The following UHRF1 variants were observed in gnomAD, a reference collection of about 807,000 sequenced individuals.
UHRF1 encodes E3 ubiquitin-protein ligase UHRF1.
In UHRF1, 9 loss-of-function variants were observed where a neutral mutation model predicts 96.5. The ratio of observed to expected loss-of-function variants is 0.09; its 90% CI spans 0.06 to 0.16. The LOEUF (loss-of-function observed/expected upper bound fraction) is 0.16. UHRF1 is among the 10% of genes least tolerant of loss of function. UHRF1 has a pLI of 1.00. For missense variants in UHRF1, 626 were observed against 1,131.1 expected, an observed-to-expected ratio of 0.55 and a Z score of 6.40; for synonymous variants, 455 against 469.9, an observed-to-expected ratio of 0.97 and a Z score of 0.41.
At position 4,922,519 on chromosome 19, in the gene UHRF1, C is replaced by T. The variant is rs112741917; in HGVS notation, c.154-6703C>T. On this transcript the variant is annotated intron_variant, in intron 2 of 16. Coordinates refer to ENST00000650932, the MANE Select transcript of UHRF1 (RefSeq NM_001048201.3). ...TGACCTCAGGTGATCCATCCGCCCT[C>T]GGCCTCCCCAAGTGCTGGGATTACA... 7.1e-3 allele frequency among the ~76,000 whole-genome samples: 1,075 copies of T among 152,282 alleles called. 11 individuals carry two copies. The highest frequency in any genetic ancestry group is 0.025 in the African/African-American group (1,028 of 41,564).
chr19:4,929,966 AATTTT>A (rs1276895865), intron 3 of UHRF1, among the ~76,000 whole-genome samples: 4 of 151,768 alleles, frequency 2.6e-5, no homozygotes, highest in Admixed American at 6.6e-5. Context: ...ACGCCCAGCT[AATTTT>A]ATTTTATTTT....
intron 3 of UHRF1, among the ~76,000 whole-genome samples, chr19:4,929,704 T>C (rs572159521): frequency 1.6e-4 from 24 of 152,342 alleles, no homozygotes; most frequent in African/African-American, 5.8e-4. Flanking sequence ...GCAGGTGTCT[T>C]CTCCGTGAAG....
chr19:4,917,107 T>G (rs2032541028), intron 2 of UHRF1, among the ~76,000 whole-genome samples: 2 of 113,554 alleles, frequency 1.8e-5, no homozygotes, highest in African/African-American at 3.2e-5. Flanking sequence ...AGTCTTAAGT[T>G]TTCGTTTTTT....
chr19:4,914,470 A>G (rs927056006), intron 2 of UHRF1, among the ~76,000 whole-genome samples: 20 of 152,070 alleles, frequency 1.3e-4, no homozygotes, highest in African/African-American at 4.8e-4. Flanking sequence ...GAGACCCCAG[A>G]GCAGAACAGA....
chr19:4,946,475 C>G (rs531718945), intron 10 of UHRF1, among the ~76,000 whole-genome samples: 1 of 152,134 alleles, frequency 6.6e-6, no homozygotes, highest in African/African-American at 2.4e-5. Flanking sequence ...AGATCTGCTA[C>G]GAACACGGCT....
At chr19:4,903,095 T>C in exon 1 of UHRF1, 3 of 433,546 alleles carry the variant, frequency 6.9e-6, no homozygotes, top group Non-Finnish European at 1.3e-5. Context: ...GGTGCCATCT[T>C]GGCTCACTGC....
chr19:4,944,083 G>A (rs1172376685), intron 7 of UHRF1, 49 bp from the exon 8 acceptor site: 33 of 1,606,682 alleles, frequency 2.1e-5, no homozygotes, highest in Non-Finnish European at 2.5e-5. Flanking sequence ...CATGTTGGCT[G>A]AGACATCTGC....
At chr19:4,903,921 G>C (rs1220492519) in intron 1 of UHRF1, among the ~76,000 whole-genome samples, 1 of 152,176 alleles carries the variant, frequency 6.6e-6, no homozygotes, top group Non-Finnish European at 1.5e-5. Context: ...TCAGGGCAGT[G>C]TGTGCTTAAT....
chr19:4,916,283 G>A (rs1304230314), intron 2 of UHRF1, among the ~76,000 whole-genome samples: 5 of 150,668 alleles, frequency 3.3e-5, no homozygotes, highest in Non-Finnish European at 7.4e-5. Context: ...TCCAGCCTGG[G>A]AGACAGAGCG....
intron 5 of UHRF1, among the ~76,000 whole-genome samples, chr19:4,940,929 T>C (rs2033373877): frequency 6.6e-6 from 1 of 150,634 alleles, no homozygotes; most frequent in Admixed American, 6.6e-5. Flanking sequence ...TGCCTCGGTC[T>C]CCCAAAGTGT....
chr19:4,908,653 G>C (rs2032127117), upstream of UHRF1, among the ~76,000 whole-genome samples: 1 of 152,186 alleles, frequency 6.6e-6, no homozygotes, highest in African/African-American at 2.4e-5. Context: ...CCCAGTGAGA[G>C]AGTATCCTCT....
Position 4,926,988 on chromosome 19 carries a change from G to C in UHRF1, c.154-2234G>C, listed in dbSNP as rs188667325. On this transcript the variant is annotated intron_variant, in intron 2 of 16. Coordinates refer to ENST00000650932, the MANE Select transcript of UHRF1 (RefSeq NM_001048201.3). ...TGAGGCAGGAGAATGGCGAACCTGG[G>C]AGGCGGAGCTTGCAGTGAGCCAAGA... 7.6e-3 allele frequency among the ~76,000 whole-genome samples: 1,157 copies of C among 152,234 alleles called. 59 individuals are homozygous for C. The highest frequency in any genetic ancestry group is 2.1e-3 in the Non-Finnish European group (141 of 68,016).
intron 2 of UHRF1, among the ~76,000 whole-genome samples, chr19:4,926,973 G>T (rs530856948): frequency 5.8e-4 from 89 of 152,240 alleles, no homozygotes; most frequent in African/African-American, 2.0e-3. Context: ...TGAGGCAGGA[G>T]AATGGCGAAC....
chr19:4,922,949 C>T (rs1428400948), intron 2 of UHRF1, among the ~76,000 whole-genome samples: 5 of 152,220 alleles, frequency 3.3e-5, no homozygotes, highest in South Asian at 2.1e-4. Context: ...AGGGGCGACC[C>T]GTCAGGCCCA....
At chr19:4,939,465 G>A (rs1019278634) in intron 5 of UHRF1, among the ~76,000 whole-genome samples, 3 of 151,636 alleles carry the variant, frequency 2.0e-5, no homozygotes, top group African/African-American at 7.3e-5. Flanking sequence ...CTGCAGCCTT[G>A]AACTCCTGGG....
chr19:4,939,787 G>T (rs948541172), intron 5 of UHRF1, among the ~76,000 whole-genome samples: 11 of 152,118 alleles, frequency 7.2e-5, no homozygotes. Flanking sequence ...TACTTTGGGG[G>T]GCCGAGGTGG....
chr19:4,937,293 C>CTTTTTTTTT (rs11411657), intron 5 of UHRF1, among the ~76,000 whole-genome samples: 21 of 125,410 alleles, frequency 1.7e-4, no homozygotes, highest in African/African-American at 6.5e-4. Flanking sequence ...AGATGGGCCA[C>CTTTTTTTTT]TTTTTTTTTT....
At chr19:4,931,983 C>T (rs1002803096) in intron 4 of UHRF1, among the ~76,000 whole-genome samples, 4 of 152,058 alleles carry the variant, frequency 2.6e-5, no homozygotes, top group African/African-American at 9.7e-5. Flanking sequence ...CCCAGGCTGG[C>T]GTCAATGGCG....
At position 4,950,657 on chromosome 19, in the gene UHRF1, G is replaced by T; in HGVS notation, c.1564G>T (p.Ala522Ser). The change falls in exon 12 of 17, where the codon GCC becomes TCC. Residue 522 changes from alanine to serine, a missense_variant. This residue lies in a region of UHRF1 where 61 missense variants were observed against 199.2 expected (regional missense o/e 0.31). Coordinates refer to ENST00000650932, the MANE Select transcript of UHRF1 (RefSeq NM_001048201.3). ...CFAPINDQEG[A>S]EAKDWRSGKP... Reference sequence around the variant, plus strand: ...TGCTCCCATCAATGACCAAGAAGGGGCCGAGGCCAAGGACTGGCGGTCGGG... The same window carrying T: ...TGCTCCCATCAATGACCAAGAAGGGTCCGAGGCCAAGGACTGGCGGTCGGG... 6.2e-7 allele frequency: 1 copy of T among 1,612,422 alleles called. No individual in the cohort carries two copies. The highest frequency in any genetic ancestry group is 8.5e-7 in the Non-Finnish European group (1 of 1,179,498).
Sources: gnomAD v4.1 joint callset for allele counts (sites outside exome capture counted in the v4.1 genomes callset) on GRCh38, gnomAD v4.1.1 for gene constraint, gnomAD v4.1.1 regional missense constraint, MANE v1.5 for transcripts, NCBI Gene and HGNC (gene_info 2026-07-23, HGNC 2026-07-21) for gene names.